The following USH2A variants were observed in gnomAD, a reference collection of about 807,000 sequenced individuals.
USH2A encodes usherin.
USH2A carries 443 observed loss-of-function variants against 538.9 expected under a neutral mutation model. That is an observed-to-expected ratio of 0.82 (90% CI 0.76 to 0.89). The LOEUF (loss-of-function observed/expected upper bound fraction) is 0.89, where lower values mean the gene tolerates loss of function less well. Among genes scored for constraint, USH2A ranks in the 40% least tolerant of loss-of-function variants. The probability of loss-of-function intolerance (pLI) is 0.00; values close to 1 mark genes in which losing one functional copy is unlikely to be tolerated. For missense variants in USH2A, 6,633 were observed against 6,324.8 expected (o/e 1.05, Z -1.65); for synonymous variants, 2,413 against 2,273.5 (o/e 1.06, Z -1.75).
At chr1:216,047,796 A>G (rs1369711869) in intron 31 of USH2A, among the ~76,000 whole-genome samples, 1 of 152,228 alleles carries the variant, frequency 6.6e-6, no homozygotes, top group Non-Finnish European at 1.5e-5. Context: ...GATATGTACA[A>G]TTCCTCTTAT....
intron 9 of USH2A, among the ~76,000 whole-genome samples, chr1:216,313,172 T>C (rs1378788567): frequency 6.6e-6 from 1 of 152,148 alleles, no homozygotes; most frequent in Non-Finnish European, 1.5e-5. Flanking sequence ...ATGGGGTTTA[T>C]GCTCCTATGA....
At chr1:216,169,997 C>T (rs1306311231) in intron 21 of USH2A, among the ~76,000 whole-genome samples, 1 of 150,754 alleles carries the variant, frequency 6.6e-6, no homozygotes, top group Non-Finnish European at 1.5e-5. Context: ...TGCTCCCACT[C>T]CAAGGAAAAC....
intron 22 of USH2A, among the ~76,000 whole-genome samples, chr1:216,094,835 G>A (rs2032400534): frequency 6.6e-6 from 1 of 152,180 alleles, no homozygotes; most frequent in Non-Finnish European, 1.5e-5. Context: ...TATTAGTGTT[G>A]TGACTTGGGG....
At chr1:215,627,670 TGCGCACCACC>T (rs1656107304) in intron 71 of USH2A, among the ~76,000 whole-genome samples, 1 of 151,910 alleles carries the variant, frequency 6.6e-6, no homozygotes, top group Non-Finnish European at 1.5e-5. Context: ...GGATTACAGG[TGCGCACCACC>T]GCGCCCAGCT....
chr1:216,196,134 T>C (rs1209706841), intron 19 of USH2A, among the ~76,000 whole-genome samples: 3 of 152,176 alleles, frequency 2.0e-5, no homozygotes, highest in Admixed American at 6.5e-5. Context: ...GAAATGTATA[T>C]GAAATGTACA....
At chr1:215,916,981 A>C (rs908958589) in intron 38 of USH2A, among the ~76,000 whole-genome samples, 2 of 152,156 alleles carry the variant, frequency 1.3e-5, no homozygotes, top group Admixed American at 1.3e-4. Flanking sequence ...TAATTTTGAA[A>C]TACCCCAAAG....
chr1:216,255,091 T>G (rs1046385145), intron 11 of USH2A, among the ~76,000 whole-genome samples: 1 of 152,176 alleles, frequency 6.6e-6, no homozygotes. Context: ...AAATATCTAT[T>G]CACAGTTCAA....
intron 53 of USH2A, 99 bp from the exon 54 acceptor site, chr1:215,782,295 A>G: frequency 7.8e-7 from 1 of 1,281,378 alleles, no homozygotes; most frequent in Non-Finnish European, 1.1e-6. Context: ...ATGCAATACT[A>G]TAGCTTTATT....
Position 215,735,562 on chromosome 1 carries a change from T to C in USH2A, c.11711+5813A>G, listed in dbSNP as rs568560849. 5.5e-4 allele frequency among the ~76,000 whole-genome samples: 84 copies of C among 152,284 alleles called. 1 individual carries two copies. The South Asian group carries it at 0.016, about 29-fold the overall frequency. ...TTTGTCTTTACTAGACCATATGATG[T>C]ATTGACTATAAAAATTAATAAGAAA... On this transcript the variant is annotated intron_variant, in intron 60 of 71. Coordinates refer to ENST00000307340, the MANE Select transcript of USH2A (RefSeq NM_206933.4).
At chr1:215,754,147 C>A (rs775296228) in intron 58 of USH2A, among the ~76,000 whole-genome samples, 4 of 152,064 alleles carry the variant, frequency 2.6e-5, no homozygotes, top group African/African-American at 4.8e-5. Flanking sequence ...TGTCTTCTAG[C>A]GTTTGCATAA....
chr1:216,401,729 A>G (rs1027035405), intron 3 of USH2A, among the ~76,000 whole-genome samples: 1 of 152,126 alleles, frequency 6.6e-6, no homozygotes, highest in African/African-American at 2.4e-5. Flanking sequence ...TGATAAAATG[A>G]TATCTCCACT....
intron 64 of USH2A, 27 bp downstream of exon 64, chr1:215,670,945 G>T: frequency 6.2e-7 from 1 of 1,609,760 alleles, no homozygotes; most frequent in South Asian, 1.1e-5. Flanking sequence ...CAATCAGCTC[G>T]AATTGTTTAT....
chr1:215,989,367 G>C (rs1667952171), intron 35 of USH2A, among the ~76,000 whole-genome samples: 1 of 152,032 alleles, frequency 6.6e-6, no homozygotes, highest in Non-Finnish European at 1.5e-5. Flanking sequence ...CATCTCATAG[G>C]GAACCACTAG....
chr1:215,973,809 C>T (rs1403122364), intron 35 of USH2A, among the ~76,000 whole-genome samples: 2 of 151,914 alleles, frequency 1.3e-5, no homozygotes, highest in Non-Finnish European at 2.9e-5. Context: ...GAATACATGG[C>T]AAATAAGCTG....
At chr1:215,808,446 C>T (rs1246881646) in intron 49 of USH2A, among the ~76,000 whole-genome samples, 4 of 151,990 alleles carry the variant, frequency 2.6e-5, no homozygotes, top group African/African-American at 9.7e-5. Flanking sequence ...AAAAATATTT[C>T]ATTTAAAAAT....
At chr1:215,964,341 A>G (rs769243699) in intron 37 of USH2A, among the ~76,000 whole-genome samples, 4 of 152,174 alleles carry the variant, frequency 2.6e-5, no homozygotes, top group Non-Finnish European at 5.9e-5. Flanking sequence ...TGAGGGGATC[A>G]GCTTAGACTC....
At chr1:216,356,819 G>A (rs549268363) in intron 4 of USH2A, among the ~76,000 whole-genome samples, 7 of 152,156 alleles carry the variant, frequency 4.6e-5, no homozygotes, top group African/African-American at 1.7e-4. Context: ...ATATTCTCGA[G>A]ATAGTGTCCT....
At chr1:216,057,560 A>C (rs909852143) in intron 30 of USH2A, among the ~76,000 whole-genome samples, 2 of 152,096 alleles carry the variant, frequency 1.3e-5, no homozygotes, top group African/African-American at 4.8e-5. Context: ...GTTGGCATGC[A>C]CCTGTAGTCC....
chr1:216,148,321 A>C (rs1487279208), intron 21 of USH2A, among the ~76,000 whole-genome samples: 2 of 151,670 alleles, frequency 1.3e-5, no homozygotes, highest in Non-Finnish European at 2.9e-5. Context: ...GAGACACTTT[A>C]ACTAAATTAT....
Sources: allele counts gnomAD v4.1 joint callset (sites outside exome capture counted in the v4.1 genomes callset), GRCh38; gene constraint gnomAD v4.1.1; transcripts MANE v1.5; gene names NCBI Gene and HGNC (gene_info 2026-07-23, HGNC 2026-07-21).